The following SHROOM3 variants were observed in gnomAD, a reference collection of about 807,000 sequenced individuals.
The protein encoded by SHROOM3 is shroom family member 3.
A neutral mutation model predicts 138.6 loss-of-function variants in SHROOM3; 47 were observed. The observed-to-expected ratio is 0.34, with a 90% confidence interval of 0.27 to 0.43. The LOEUF (loss-of-function observed/expected upper bound fraction) is 0.43. Among genes scored for constraint, SHROOM3 ranks in the 20% least tolerant of loss-of-function variants. The probability of loss-of-function intolerance (pLI) is 1.00; values close to 1 mark genes in which losing one functional copy is unlikely to be tolerated. For synonymous variants in SHROOM3, 1,062 were observed against 1,063.3 expected (o/e 1.00, Z 0.02); for missense variants, 2,491 against 2,596.5 (o/e 0.96, Z 0.88).
chr4:76,589,481 AAAG>A (rs1281216970), intron 2 of SHROOM3, among the ~76,000 whole-genome samples: 8 of 151,752 alleles, frequency 5.3e-5, no homozygotes, highest in Non-Finnish European at 8.8e-5. Context: ...AAAAAAAAAA[AAAG>A]AAAAAAGACT....
At position 76,739,072 on chromosome 4, in the gene SHROOM3, G is replaced by A. The variant is rs781294814; in HGVS notation, c.899G>A (p.Arg300Lys). The A allele has an allele frequency of 1.2e-6, 2 of 1,614,112 alleles. No homozygotes were observed. Among genetic ancestry groups the A allele is most frequent in the Admixed American group, 1.7e-5 (1 of 60,014 alleles). ...SARGGLLEGM[R>K]QADIRYVKTV... Reference sequence around the variant, plus strand: ...CGAGGTGGCCTCCTCGAAGGGATGAGGCAGGCAGATATTCGCTATGTCAAG... The same window carrying A: ...CGAGGTGGCCTCCTCGAAGGGATGAAGCAGGCAGATATTCGCTATGTCAAG... Residue 300 changes from arginine to lysine, a missense_variant, in exon 5 of 11, where the codon AGG (arginine) becomes AAG (lysine). Arg to Lys is a conservative substitution (Grantham distance 26). Coordinates refer to ENST00000296043, the MANE Select transcript of SHROOM3 (RefSeq NM_020859.4).
At chr4:76,456,805 A>T (rs545316187) in intron 1 of SHROOM3, among the ~76,000 whole-genome samples, 2 of 152,340 alleles carry the variant, frequency 1.3e-5, no homozygotes, top group African/African-American at 4.8e-5. Context: ...GTCCGAAAAG[A>T]GAGTCAGCAA....
rs1343203750 is a variant in SHROOM3, at chr4:76,780,469, T to C, written c.*1292T>C. 1 of 152,066 alleles carries C rather than the reference T, an allele frequency of 6.6e-6. No homozygotes were observed. Among genetic ancestry groups the C allele is most frequent in the Non-Finnish European group, 1.5e-5 (1 of 68,022 alleles). The allele number at this position is 152,066 out of a possible 1,614,324, so 9.4% of individuals were successfully genotyped here. On this transcript the variant is annotated 3_prime_UTR_variant, in exon 11 of 11. Coordinates refer to ENST00000296043, the MANE Select transcript of SHROOM3 (RefSeq NM_020859.4). ...GATCTGTGGCTGGTGGCCACCTTTGTTGATTTGGGCTTACGAGTTTCATAG... is the reference window on the plus strand; with the variant it reads ...GATCTGTGGCTGGTGGCCACCTTTGCTGATTTGGGCTTACGAGTTTCATAG...
chr4:76,735,857 AAAAAAAAAAAAATATATATATATAT>A (rs1302761684), intron 4 of SHROOM3, among the ~76,000 whole-genome samples: 152 of 44,006 alleles, frequency 3.5e-3, no homozygotes, highest in Admixed American at 4.6e-3. Flanking sequence ...AAAAAAAAAA[AAAAAAAAAAAAATATATATATATAT>A]ATATATATAT....
At chr4:76,686,207 A>G (rs1193792418) in intron 2 of SHROOM3, among the ~76,000 whole-genome samples, 1 of 151,898 alleles carries the variant, frequency 6.6e-6, no homozygotes, top group African/African-American at 2.4e-5. Context: ...TTTTGTAGAG[A>G]TGGCGTCCCC....
At chr4:76,728,818 G>A (rs918630682) in intron 3 of SHROOM3, among the ~76,000 whole-genome samples, 1 of 152,136 alleles carries the variant, frequency 6.6e-6, no homozygotes. Context: ...CCGAAAGGCT[G>A]TGACCATGGT....
chr4:76,457,131 C>T (rs1731043018), intron 1 of SHROOM3, among the ~76,000 whole-genome samples: 1 of 152,094 alleles, frequency 6.6e-6, no homozygotes, highest in African/African-American at 2.4e-5. Flanking sequence ...GGCTCAGAGG[C>T]CTGACAGTTT....
intron 1 of SHROOM3, among the ~76,000 whole-genome samples, chr4:76,442,726 C>T (rs1358248022): frequency 2.6e-5 from 4 of 151,978 alleles, no homozygotes; most frequent in Non-Finnish European, 5.9e-5. Flanking sequence ...TTATACTTTT[C>T]TATGAATCCT....
At chr4:76,542,356 C>G (rs968964928) in intron 1 of SHROOM3, among the ~76,000 whole-genome samples, 2 of 152,172 alleles carry the variant, frequency 1.3e-5, no homozygotes, top group East Asian at 1.9e-4. Context: ...CCAGAGATGT[C>G]CACCTCCTAG....
intron 3 of SHROOM3, 89 bp downstream of exon 3, chr4:76,710,376 A>AGGAT: frequency 6.8e-7 from 1 of 1,480,506 alleles, no homozygotes; most frequent in Non-Finnish European, 9.3e-7. Context: ...GTCGGGGGCA[A>AGGAT]GGATGGTCAG....
intron 1 of SHROOM3, among the ~76,000 whole-genome samples, chr4:76,538,145 C>T (rs1733021746): frequency 6.6e-6 from 1 of 152,182 alleles, no homozygotes; most frequent in Non-Finnish European, 1.5e-5. Context: ...GTGATCTGCC[C>T]GCCTGAGCCT....
chr4:76,669,312 T>A, intron 2 of SHROOM3, among the ~76,000 whole-genome samples: 1 of 152,002 alleles, frequency 6.6e-6, no homozygotes, highest in East Asian at 1.9e-4. Flanking sequence ...TAAATTACTC[T>A]AAAACAAACA....
chr4:76,757,518 T>C (rs992173276), intron 8 of SHROOM3, among the ~76,000 whole-genome samples: 7 of 152,188 alleles, frequency 4.6e-5, no homozygotes, highest in Non-Finnish European at 1.0e-4. Context: ...GCCAACGTCT[T>C]GCCAAGACTG....
At chr4:76,751,004 G>T (rs1721605077) in intron 6 of SHROOM3, among the ~76,000 whole-genome samples, 1 of 152,144 alleles carries the variant, frequency 6.6e-6, no homozygotes, top group African/African-American at 2.4e-5. Context: ...CAGCTGTCCT[G>T]GGGAAAAGCA....
intron 1 of SHROOM3, among the ~76,000 whole-genome samples, chr4:76,497,444 A>G (rs930015779): frequency 8.5e-5 from 13 of 152,226 alleles, no homozygotes; most frequent in African/African-American, 3.1e-4. Context: ...TAAAATAGAA[A>G]AATAAAAACA....
intron 2 of SHROOM3, chr4:76,644,366 C>T (rs1441577090): frequency 6.6e-6 from 1 of 151,494 alleles, no homozygotes; most frequent in African/African-American, 2.4e-5. Context: ...TCTCCTGCCT[C>T]AGCCTCCCGA....
intron 2 of SHROOM3, among the ~76,000 whole-genome samples, chr4:76,674,510 C>G (rs538782204): frequency 6.3e-5 from 9 of 143,434 alleles, no homozygotes; most frequent in African/African-American, 2.0e-4. Flanking sequence ...AATTTATTTT[C>G]TTCTCTCTCT....
intron 9 of SHROOM3, among the ~76,000 whole-genome samples, chr4:76,770,242 G>T (rs1722305097): frequency 7.1e-6 from 1 of 140,836 alleles, no homozygotes; most frequent in African/African-American, 2.7e-5. Flanking sequence ...AGAATCGCTT[G>T]AACCCAGGAG....
intron 2 of SHROOM3, among the ~76,000 whole-genome samples, chr4:76,671,609 A>T (rs562999005): frequency 6.6e-6 from 1 of 152,272 alleles, no homozygotes; most frequent in South Asian, 2.1e-4. Context: ...GCAATCCCTC[A>T]GTTCCAGTTT....
Sources: gnomAD v4.1 joint callset for allele counts (sites outside exome capture counted in the v4.1 genomes callset) on GRCh38, gnomAD v4.1.1 for gene constraint, MANE v1.5 for transcripts, NCBI Gene and HGNC (gene_info 2026-07-23, HGNC 2026-07-21) for gene names.